Variants in CPLANE1 observed in about 807,000 individuals in gnomAD.
CPLANE1 encodes the protein ciliogenesis and planar polarity effector 1.
Under a neutral mutation model 362.5 loss-of-function variants are expected in CPLANE1, and 263 were observed. The ratio of observed to expected loss-of-function variants is 0.73; its 90% CI spans 0.66 to 0.80. The LOEUF (loss-of-function observed/expected upper bound fraction) is 0.80. Ranked by LOEUF, CPLANE1 falls within the 30% of genes least tolerant of loss-of-function variation. The pLI, the probability that CPLANE1 is intolerant of heterozygous loss-of-function variation, is 0.00. For missense variants in CPLANE1, 3,461 were observed against 3,793.4 expected (o/e 0.91, Z 2.30); for synonymous variants, 1,212 against 1,302.6 (o/e 0.93, Z 1.50).
At chr5:37,244,668 A>G (rs1266222497) in intron 4 of CPLANE1, 61 bp from the exon 5 acceptor site, 1 of 929,734 alleles carries the variant, frequency 1.1e-6, no homozygotes, top group Non-Finnish European at 1.6e-6. Flanking sequence ...CCAATAAAGT[A>G]CATAATTTAT....
intron 43 of CPLANE1, among the ~76,000 whole-genome samples, chr5:37,144,313 G>T (rs184026841): frequency 4.0e-5 from 6 of 150,972 alleles, no homozygotes; most frequent in Non-Finnish European, 1.5e-5. Flanking sequence ...GGAAGGTGAG[G>T]CAGAGAATTG....
rs186460995 is a variant in CPLANE1, at chr5:37,170,047, G to A, written c.6456C>T (p.Asn2152=). The change falls in exon 33 of 53, where the codon AAC becomes AAT. Residue 2152 remains asparagine, a synonymous_variant. Coordinates refer to ENST00000651892, the MANE Select transcript of CPLANE1 (RefSeq NM_001384732.1). ...TIPSGQNSTG[N]VQNVPHGSIP... The stretch of plus-strand genomic sequence containing the variant: ...GTATTTTTACATACATTACCTGTAC[G>A]TTTCCAGTACTATTTTGACCAGATG... 1,583 of 1,613,644 alleles carry A rather than the reference G, an allele frequency of 9.8e-4. 17 individuals are homozygous for A. Among genetic ancestry groups the A allele is most frequent in the Non-Finnish European group, 1.1e-4 (125 of 1,179,780 alleles).
At chr5:37,198,651 A>G (rs371420552) in intron 20 of CPLANE1, 51 bp downstream of exon 20, 21 of 1,497,400 alleles carry the variant, frequency 1.4e-5, no homozygotes, top group Middle Eastern at 1.8e-4. Flanking sequence ...TAATATAAAT[A>G]TGAGTAATTT....
At chr5:37,159,749 CCT>C (rs1776348018) in intron 38 of CPLANE1, among the ~76,000 whole-genome samples, 1 of 152,028 alleles carries the variant, frequency 6.6e-6, no homozygotes, top group Admixed American at 6.6e-5. Flanking sequence ...GAAATCATTC[CCT>C]CTCTCTTAAT....
the CPLANE1 span, among the ~76,000 whole-genome samples, chr5:37,076,961 A>AAAG: frequency 6.6e-6 from 1 of 151,388 alleles, no homozygotes; most frequent in Non-Finnish European, 1.5e-5. Flanking sequence ...TTTTTTCTGT[A>AAAG]AAGGGCCAGA....
chr5:37,133,522 A>G lies in CPLANE1; in HGVS notation c.8792+5198T>C, dbSNP rs200169442. The stretch of plus-strand genomic sequence containing the variant: ...GGTGTGTGTGTGTGTGTGTGTGTGT[A>G]TGTGTGTGTGTCTGTTGTAAATGGG... On this transcript the variant is annotated intron_variant, in intron 46 of 52. Coordinates refer to ENST00000651892, the MANE Select transcript of CPLANE1 (RefSeq NM_001384732.1). Among the ~76,000 whole-genome samples, 44 of 132,426 alleles carry G rather than the reference A, an allele frequency of 3.3e-4. 1 individual carries two copies. The highest frequency in any genetic ancestry group is 9.0e-4 in the Admixed American group (12 of 13,268). 86.9% of individuals were successfully genotyped at this position (132,426 alleles called of 152,430 possible).
intron 42 of CPLANE1, among the ~76,000 whole-genome samples, chr5:37,148,849 G>A (rs1214017382): frequency 6.6e-6 from 1 of 152,020 alleles, no homozygotes; most frequent in South Asian, 2.1e-4. Context: ...TCAGGAGTTC[G>A]AGACCAGCCT....
At chr5:37,175,546 C>T (rs1033090479) in intron 31 of CPLANE1, among the ~76,000 whole-genome samples, 8 of 152,128 alleles carry the variant, frequency 5.3e-5, no homozygotes, top group Non-Finnish European at 8.8e-5. Context: ...TCAAAAGAAC[C>T]GGATGAGTCT....
intron 51 of CPLANE1, among the ~76,000 whole-genome samples, chr5:37,110,793 A>G (rs1224253433): frequency 6.6e-6 from 1 of 151,362 alleles, no homozygotes; most frequent in Non-Finnish European, 1.5e-5. Context: ...AACCTGGGCT[A>G]ATGTATTAAC....
chr5:37,125,585 G>T (rs1055522406), intron 46 of CPLANE1, 176 bp from the exon 47 acceptor site: 12 of 590,022 alleles, frequency 2.0e-5, no homozygotes, highest in Non-Finnish European at 3.2e-5. Context: ...ACTGAAAATG[G>T]ACTCAGAAAG....
At chr5:37,102,649 C>T (rs1486925990), downstream of CPLANE1, among the ~76,000 whole-genome samples, 3 of 152,138 alleles carry the variant, frequency 2.0e-5, no homozygotes, top group Non-Finnish European at 4.4e-5. Context: ...TGACATCTGC[C>T]TTAATTTCAT....
chr5:37,097,980 T>C, the CPLANE1 span, among the ~76,000 whole-genome samples: 2 of 152,114 alleles, frequency 1.3e-5, no homozygotes, highest in Non-Finnish European at 2.9e-5. Context: ...ATCAACAGAA[T>C]ATTGCATTTC....
chr5:37,102,028 C>CA (rs1310278403), downstream of CPLANE1, among the ~76,000 whole-genome samples: 3,363 of 136,176 alleles, frequency 0.025, 128 homozygotes, highest in African/African-American at 0.081. Context: ...TTAATTTTTT[C>CA]AAAAAAAAAA....
In CPLANE1 at chr5:37,230,922, A is replaced by G; in HGVS notation, c.1066T>C (p.Ser356Pro). Residue 356 changes from serine (S) to proline (P), a missense_variant, in exon 9 of 53, where the codon TCT becomes CCT. Physicochemically the swap from Ser to Pro is moderately conservative, Grantham distance 74. Around this residue, in one of 2 missense-constraint regions of CPLANE1, gnomAD observed 3,380 missense variants for 3,666.1 expected, o/e 0.92. Coordinates refer to ENST00000651892, the MANE Select transcript of CPLANE1 (RefSeq NM_001384732.1). Reference sequence around the variant, plus strand: ...AATTCTGCTGGGCCAAATTCTATAGAGCAACCAAATGTAATTAATGTTAGC... The same window carrying G: ...AATTCTGCTGGGCCAAATTCTATAGGGCAACCAAATGTAATTAATGTTAGC... ...ELLTLITFGC[S>P]IEFGPAEFIP... 3 of 1,549,964 alleles carry G rather than the reference A, an allele frequency of 1.9e-6. No homozygotes were observed. The highest frequency in any genetic ancestry group is 2.4e-5 in the East Asian group (1 of 40,856).
At chr5:37,078,763 A>AGAT in the CPLANE1 span, among the ~76,000 whole-genome samples, 1 of 149,870 alleles carries the variant, frequency 6.7e-6, no homozygotes, top group Non-Finnish European at 1.5e-5. Context: ...GACTGGTGTG[A>AGAT]GATGGTATTT....
In CPLANE1 at chr5:37,140,283, T is replaced by C. The variant is rs987483339; in HGVS notation, c.8633-913A>G. The C allele has an allele frequency of 4.1e-6, 4 of 968,752 alleles. No individual in the cohort carries two copies. In the African/African-American group the frequency reaches 7.0e-5, roughly 17 times the overall value. 60.0% of individuals were successfully genotyped at this position (968,752 alleles called of 1,614,324 possible). A position where few individuals can be genotyped will look rare whatever the true frequency, so the allele number is the denominator to read the frequency against. On this transcript the variant is annotated intron_variant, in intron 44 of 52. Coordinates refer to ENST00000651892, the MANE Select transcript of CPLANE1 (RefSeq NM_001384732.1). ...TTTTATTATCTTGAGATAAACCAAATCTGTCCCTAAGACTTACACATTCAC... is the reference window on the plus strand; with the variant it reads ...TTTTATTATCTTGAGATAAACCAAACCTGTCCCTAAGACTTACACATTCAC...
intron 15 of CPLANE1, among the ~76,000 whole-genome samples, chr5:37,215,739 C>CTTTTTTTT (rs567527656): frequency 5.4e-4 from 51 of 95,192 alleles, no homozygotes; most frequent in East Asian, 6.3e-4. Context: ...CTTCTCTTTC[C>CTTTTTTTT]TTTTTTTTTT....
the CPLANE1 span, among the ~76,000 whole-genome samples, chr5:37,095,649 G>C: frequency 9.2e-5 from 14 of 152,150 alleles, no homozygotes; most frequent in African/African-American, 3.4e-4. Context: ...GTCGCTGTTT[G>C]CTGATTATAT....
At chr5:37,119,764 T>C (rs1364178490) in intron 50 of CPLANE1, among the ~76,000 whole-genome samples, 1 of 151,960 alleles carries the variant, frequency 6.6e-6, no homozygotes, top group Non-Finnish European at 1.5e-5. Flanking sequence ...GGCGGGTGGA[T>C]CACCAGGTCA....
Sources: allele counts gnomAD v4.1 joint callset (sites outside exome capture counted in the v4.1 genomes callset), GRCh38; gene constraint gnomAD v4.1.1; regional missense constraint gnomAD v4.1.1; transcripts MANE v1.5; gene names NCBI Gene and HGNC (gene_info 2026-07-23, HGNC 2026-07-21).